The following EXOC2 variants were observed in gnomAD, a reference collection of about 807,000 sequenced individuals.
The protein encoded by EXOC2 is exocyst complex component 2.
A neutral mutation model predicts 131.8 loss-of-function variants in EXOC2; 70 were observed. The observed-to-expected ratio is 0.53, with a 90% CI of 0.44 to 0.65. EXOC2 has a LOEUF of 0.65. Ranked by LOEUF, EXOC2 falls within the 30% of genes least tolerant of loss-of-function variation. The probability of loss-of-function intolerance (pLI) is 0.00; values close to 1 mark genes in which losing one functional copy is unlikely to be tolerated. For synonymous variants in EXOC2, 411 were observed against 398.4 expected (o/e 1.03, Z -0.38); for missense variants, 923 against 1,108.6 (o/e 0.83, Z 2.38).
intron 25 of EXOC2, among the ~76,000 whole-genome samples, chr6:496,756 T>C (rs1192019514): frequency 3.3e-5 from 5 of 152,150 alleles, no homozygotes; most frequent in African/African-American, 1.2e-4. Context: ...TTACAGTTGT[T>C]ATTTGTGGTG....
intron 1 of EXOC2, among the ~76,000 whole-genome samples, chr6:672,113 A>G (rs1763902797): frequency 6.6e-6 from 1 of 152,048 alleles, no homozygotes; most frequent in East Asian, 1.9e-4. Flanking sequence ...TGGCTGTTCC[A>G]TTCCATTTTC....
chr6:617,972 T>C (rs574319966), intron 5 of EXOC2, 137 bp from the exon 6 acceptor site: 49 of 1,040,360 alleles, frequency 4.7e-5, no homozygotes, highest in Admixed American at 7.4e-5. Context: ...CGAAGCCAGA[T>C]GAAATCAAAA....
intron 12 of EXOC2, among the ~76,000 whole-genome samples, chr6:575,205 G>A (rs535846952): frequency 7.7e-4 from 117 of 152,258 alleles, no homozygotes; most frequent in African/African-American, 2.5e-3. Context: ...TGTGCCCCGA[G>A]AACACTCTTG....
At chr6:674,610 C>T (rs1764024405) in intron 1 of EXOC2, among the ~76,000 whole-genome samples, 2 of 152,060 alleles carry the variant, frequency 1.3e-5, no homozygotes, top group Admixed American at 1.3e-4. Context: ...ATTTATGCCT[C>T]TTCTCCTTGG....
Position 506,231 on chromosome 6 carries a change from G to T in EXOC2, c.2381-6531C>A, listed in dbSNP as rs12206548. On this transcript the variant is annotated intron_variant, in intron 23 of 27. Coordinates refer to ENST00000230449, the MANE Select transcript of EXOC2 (RefSeq NM_018303.6). The surrounding 1 kb of genome is among the most constrained non-coding windows in gnomAD (Gnocchi z 4.4). ...CAATATACTGAAATAATGTCATTAG[G>T]TATTTGCTGAATGCTCCGCACGTGC... Among the ~76,000 whole-genome samples the T allele has an allele frequency of 1.3e-5, 2 of 152,062 alleles. No homozygotes were observed. Among genetic ancestry groups the T allele is most frequent in the South Asian group, 4.1e-4 (2 of 4,828 alleles).
chr6:522,484 G>T (rs577604378), intron 23 of EXOC2, among the ~76,000 whole-genome samples: 1 of 151,552 alleles, frequency 6.6e-6, no homozygotes, highest in East Asian at 1.9e-4. Flanking sequence ...GCAGGACAGC[G>T]TGTGGGGAGC....
intron 23 of EXOC2, among the ~76,000 whole-genome samples, chr6:507,358 C>CCA (rs59493114): frequency 0.055 from 7,191 of 131,308 alleles, 544 homozygotes; most frequent in Non-Finnish European, 0.071. Flanking sequence ...AGCAGTGACC[C>CCA]CACACACACA....
chr6:673,117 C>A (rs991167416), intron 1 of EXOC2, among the ~76,000 whole-genome samples: 6 of 151,762 alleles, frequency 4.0e-5, no homozygotes, highest in Admixed American at 1.3e-4. Context: ...AAAAAATTAG[C>A]TGGGCGTGGT....
intron 1 of EXOC2, among the ~76,000 whole-genome samples, chr6:672,283 T>C (rs1763911650): frequency 1.3e-5 from 2 of 152,236 alleles, no homozygotes; most frequent in Non-Finnish European, 2.9e-5. Context: ...TCATTCCTTC[T>C]TAAAGTTTCC....
chr6:591,554 C>G (rs534076646), intron 11 of EXOC2, among the ~76,000 whole-genome samples: 3 of 152,132 alleles, frequency 2.0e-5, no homozygotes, highest in Non-Finnish European at 4.4e-5. Flanking sequence ...CCCCTGACCT[C>G]AAAACCCTGG....
chr6:542,580 AG>A (rs1165621544), intron 22 of EXOC2, among the ~76,000 whole-genome samples: 28 of 152,244 alleles, frequency 1.8e-4, no homozygotes, highest in Admixed American at 5.9e-4. Context: ...TACAACTAAC[AG>A]GAAGAAATAA....
chr6:553,262 A>T (rs1162357926), intron 21 of EXOC2, among the ~76,000 whole-genome samples: 1 of 152,204 alleles, frequency 6.6e-6, no homozygotes, highest in African/African-American at 2.4e-5. Flanking sequence ...GAGTTTCAAC[A>T]GATGAATTTA....
chr6:572,309 T>C (rs1336214387), intron 13 of EXOC2, among the ~76,000 whole-genome samples: 1 of 152,228 alleles, frequency 6.6e-6, no homozygotes, highest in Non-Finnish European at 1.5e-5. Context: ...GTGCCCAGAC[T>C]ATTCTTTTTG....
chr6:649,070 G>A (rs1434152878), intron 1 of EXOC2, among the ~76,000 whole-genome samples: 3 of 152,074 alleles, frequency 2.0e-5, no homozygotes, highest in African/African-American at 7.2e-5. Context: ...CTGGAGGGCC[G>A]TGGAAATTCA....
intron 1 of EXOC2, among the ~76,000 whole-genome samples, chr6:682,907 C>T (rs1764477875): frequency 2.0e-5 from 3 of 152,048 alleles, no homozygotes; most frequent in Admixed American, 6.5e-5. Flanking sequence ...AAAAACTGAA[C>T]ACAAAAAGAA....
chr6:539,548 C>T (rs554074905), intron 22 of EXOC2, among the ~76,000 whole-genome samples: 2 of 152,314 alleles, frequency 1.3e-5, no homozygotes, highest in African/African-American at 4.8e-5. Flanking sequence ...ATGCCTAAGT[C>T]GATTGTCAAA....
chr6:639,166 C>A (rs1762239508), intron 1 of EXOC2, among the ~76,000 whole-genome samples: 2 of 152,128 alleles, frequency 1.3e-5, no homozygotes, highest in Admixed American at 6.5e-5. Flanking sequence ...GACTCAGAGA[C>A]CCCCAGCACA....
chr6:587,764 G>A (rs1016882489), intron 11 of EXOC2, among the ~76,000 whole-genome samples: 2 of 152,274 alleles, frequency 1.3e-5, no homozygotes, highest in East Asian at 1.9e-4. Flanking sequence ...CAATGCTATC[G>A]ATGCACTCAG....
chr6:626,577 G>A (rs1023615091), intron 4 of EXOC2, among the ~76,000 whole-genome samples: 9 of 151,960 alleles, frequency 5.9e-5, no homozygotes, highest in South Asian at 4.2e-4. Flanking sequence ...TAGGACCACA[G>A]CACTCACAAA....
Sources: allele counts gnomAD v4.1 joint callset (sites outside exome capture counted in the v4.1 genomes callset), GRCh38; gene constraint gnomAD v4.1.1; non-coding constraint Gnocchi (gnomAD v3.1); transcripts MANE v1.5; gene names NCBI Gene and HGNC (gene_info 2026-07-23, HGNC 2026-07-21).